Variants in PIGG observed in about 807,000 individuals in gnomAD.
PIGG encodes the protein GPI ethanolamine phosphate transferase 2, catalytic subunit.
Under a neutral mutation model 83.2 loss-of-function variants are expected in PIGG, and 70 were observed. The ratio of observed to expected loss-of-function variants is 0.84; its 90% CI spans 0.69 to 1.03. The LOEUF (loss-of-function observed/expected upper bound fraction) is 1.03, where lower values mean the gene tolerates loss of function less well. Ranked by LOEUF, PIGG falls within the 50% of genes least tolerant of loss-of-function variation. The pLI is 0.00. For synonymous variants in PIGG, 532 were observed against 519.5 expected (o/e 1.02, Z -0.33); for missense variants, 1,257 against 1,233.6 (o/e 1.02, Z -0.28).
Position 512,213 on chromosome 4 carries a change from A to G in PIGG, c.901+3243A>G, listed in dbSNP as rs888300736. ...TAGTGAATTTTCTGTTTCAGTTATCATACTTTTTTTTTTTTTTTTTTTTTG... is the reference window on the plus strand; with the variant it reads ...TAGTGAATTTTCTGTTTCAGTTATCGTACTTTTTTTTTTTTTTTTTTTTTG... On this transcript the variant is annotated intron_variant, in intron 5 of 12. Transcript: ENST00000453061. 2.1e-5 allele frequency among the ~76,000 whole-genome samples: 3 copies of G among 141,398 alleles called. No homozygotes were observed. In the South Asian group the frequency reaches 6.6e-4, roughly 31 times the overall value. The allele number at this position is 141,398 out of a possible 152,430, so 92.8% of individuals were successfully genotyped here. A position where few individuals can be genotyped will look rare whatever the true frequency, so the allele number is the denominator to read the frequency against.
rs528446220 is a variant in PIGG, at chr4:500,425, C to T, written c.184C>T (p.Pro62Ser). Reference protein sequence around the residue: ...GASSNWTTLPPPLFSKVVIVL... With the variant: ...GASSNWTTLPSPLFSKVVIVL... ...CAGTTCTAACTGGACCACGCTGCCACCACCTCTCTTCAGTAAAGTTGTTAT... is the reference window on the plus strand; with the variant it reads ...CAGTTCTAACTGGACCACGCTGCCATCACCTCTCTTCAGTAAAGTTGTTAT... The change falls in exon 2 of 13, where the codon CCA (proline) becomes TCA (serine). Residue 62 changes from proline (P) to serine (S), a missense_variant. By Grantham distance (74) the Pro-to-Ser change is moderately conservative. Transcript: ENST00000453061. The T allele has an allele frequency of 6.2e-7, 1 of 1,613,944 alleles. No individual in the cohort carries two copies. Among genetic ancestry groups the T allele is most frequent in the African/African-American group, 1.3e-5 (1 of 75,006 alleles).
At chr4:506,964 C>G (rs1057461419) in intron 3 of PIGG, 1 of 344,188 alleles carries the variant, frequency 2.9e-6, no homozygotes, top group Non-Finnish European at 6.1e-6. Context: ...TTCAGTTATG[C>G]CCATTAAGCC....
intron 2 of PIGG, among the ~76,000 whole-genome samples, 159 bp downstream of exon 2, chr4:500,760 G>C (rs1560264959): frequency 6.6e-6 from 1 of 152,162 alleles, no homozygotes; most frequent in African/African-American, 2.4e-5. Context: ...GCCTCACACG[G>C]GATGGAACTG....
At chr4:510,323 A>G (rs1400405350) in intron 5 of PIGG, among the ~76,000 whole-genome samples, 1 of 152,242 alleles carries the variant, frequency 6.6e-6, no homozygotes. Context: ...CAGCAGGAGC[A>G]TGTCCTTAAG....
At chr4:518,517 C>T (rs555143555) in intron 6 of PIGG, among the ~76,000 whole-genome samples, 5 of 152,262 alleles carry the variant, frequency 3.3e-5, no homozygotes, top group South Asian at 4.2e-4. Context: ...GGTGTGAACC[C>T]GGGAGGCGGA....
At chr4:525,341 A>G (rs1174447166) in intron 9 of PIGG, 1 of 985,372 alleles carries the variant, frequency 1.0e-6, no homozygotes, top group Non-Finnish European at 1.2e-6. Context: ...ATTGTCTGGC[A>G]GTGAAGACTT....
Position 507,545 on chromosome 4 carries a change from C to T in PIGG, c.711C>T (p.Ser237=), listed in dbSNP as rs747129987. The T allele has an allele frequency of 7.4e-6, 12 of 1,613,842 alleles. No individual in the cohort carries two copies. Among genetic ancestry groups the T allele is most frequent in the East Asian group, 4.5e-5 (2 of 44,862 alleles). ...GCCCCCTGATTGGGCAGAAGCTGAG[C>T]GAGATGGACAGCGTGCTGATGAAGA... The part of the protein sequence containing the change: ...PNSPLIGQKL[S]EMDSVLMKIH... Residue 237 remains serine (S), a synonymous_variant, in exon 4 of 13, where the codon AGC becomes AGT. Coordinates refer to ENST00000453061, the MANE Select transcript of PIGG (RefSeq NM_001127178.3).
chr4:501,270 T>A, intron 2 of PIGG: 1 of 401,096 alleles, frequency 2.5e-6, no homozygotes, highest in Non-Finnish European at 4.9e-6. Flanking sequence ...TCTGCCTTCA[T>A]GTAGCTTTTA....
intron 4 of PIGG, among the ~76,000 whole-genome samples, chr4:508,023 GTCTGT>G (rs1484695863): frequency 6.6e-6 from 1 of 151,862 alleles, no homozygotes; most frequent in East Asian, 1.9e-4. Context: ...GTGTCACTCT[GTCTGT>G]TCTGTGTCTC....
At chr4:534,607 T>G (rs948954826) in intron 12 of PIGG, among the ~76,000 whole-genome samples, 1 of 152,222 alleles carries the variant, frequency 6.6e-6, no homozygotes, top group Non-Finnish European at 1.5e-5. Context: ...TGGCCTGCCC[T>G]CCATGCTCTC....
At chr4:518,119 C>T (rs376728893) in intron 6 of PIGG, among the ~76,000 whole-genome samples, 21 of 152,286 alleles carry the variant, frequency 1.4e-4, no homozygotes, top group Middle Eastern at 3.4e-3. Context: ...GAGGCCCCAC[C>T]GAGCACCAGC....
intron 9 of PIGG, among the ~76,000 whole-genome samples, chr4:524,179 T>A (rs1361333951): frequency 6.6e-6 from 1 of 152,222 alleles, no homozygotes; most frequent in Non-Finnish European, 1.5e-5. Flanking sequence ...TGAAAACTTG[T>A]GTTTCAGTGA....
At chr4:502,060 G>A (rs6841911) in intron 2 of PIGG, 151,665 of 152,372 alleles carry the variant, frequency 1, 75,486 homozygotes, top group Middle Eastern at 1. Context: ...AGGAACACCG[G>A]TTTCTTTATC....
chr4:506,517 G>A (rs1560281698), intron 3 of PIGG, among the ~76,000 whole-genome samples: 1 of 152,222 alleles, frequency 6.6e-6, no homozygotes, highest in Non-Finnish European at 1.5e-5. Context: ...CTAGATGGCT[G>A]GGCCTTATGG....
At position 507,684 on chromosome 4, in the gene PIGG, C is replaced by A. The variant is rs7659929; in HGVS notation, c.759+91C>A. 0.27 allele frequency: 303,545 copies of A among 1,122,490 alleles called. 42,792 individuals are homozygous for A. Among genetic ancestry groups the A allele is most frequent in the Non-Finnish European group, 0.3 (232,394 of 787,478 alleles). The allele number at this position is 1,122,490 out of a possible 1,614,324, so 69.5% of individuals were successfully genotyped here. On this transcript the variant is annotated intron_variant, in intron 4 of 12. Transcript: ENST00000453061. ...CAACCGCCTGAGTTATTCAGGGTGC[C>A]TGTGTGAATGTCCACCATCAGTCTG...
intron 5 of PIGG, among the ~76,000 whole-genome samples, chr4:513,552 G>A (rs1026173469): frequency 2.6e-5 from 4 of 152,054 alleles, no homozygotes; most frequent in Non-Finnish European, 4.4e-5. Flanking sequence ...TTTATTTTCG[G>A]CCTCTTGCTA....
Position 508,904 on chromosome 4 carries a change from G to A in PIGG, c.835G>A (p.Ala279Thr). The part of the protein sequence containing the change: ...HGMSETGSHG[A>T]SSTEEVNTPL... ...CATGTCTGAAACAGGAAGTCACGGG[G>A]CCTCCTCCACCGAGGAGGTGAATAC... Residue 279 changes from alanine (A) to threonine (T), a missense_variant, in exon 5 of 13, where the codon GCC becomes ACC. Transcript: ENST00000453061. 6.2e-7 allele frequency: 1 copy of A among 1,610,192 alleles called. No individual in the cohort carries two copies. Among genetic ancestry groups the A allele is most frequent in the Non-Finnish European group, 8.5e-7 (1 of 1,176,432 alleles).
At chr4:538,021 T>C (rs11936752) in intron 12 of PIGG, among the ~76,000 whole-genome samples, 23,582 of 142,618 alleles carry the variant, frequency 0.17, 2,460 homozygotes, top group African/African-American at 0.29. Flanking sequence ...CCGACAGGAC[T>C]GAGGAGCCCT....
intron 8 of PIGG, chr4:522,229 G>C (rs145865726): frequency 3.4e-6 from 2 of 590,290 alleles, no homozygotes; most frequent in South Asian, 4.1e-5. Context: ...AAGAGCTGGC[G>C]GTCACAGAGG....
Sources: gnomAD v4.1 joint callset for allele counts (sites outside exome capture counted in the v4.1 genomes callset) on GRCh38, gnomAD v4.1.1 for gene constraint, MANE v1.5 for transcripts, NCBI Gene and HGNC (gene_info 2026-07-23, HGNC 2026-07-21) for gene names.